EARS2: variants seen among roughly 807,000 people sequenced by gnomAD.
EARS2 encodes nondiscriminating glutamyl-tRNA synthetase EARS2, mitochondrial.
A neutral mutation model predicts 54.1 loss-of-function variants in EARS2; 50 were observed. The observed-to-expected ratio is 0.92, with a 90% CI of 0.74 to 1.17. The LOEUF (loss-of-function observed/expected upper bound fraction) is 1.17. Ranked by LOEUF, EARS2 falls within the 50% of genes most tolerant of loss-of-function variation. The pLI is 0.00. For synonymous variants in EARS2, 298 were observed against 281.0 expected (o/e 1.06, Z -0.61); for missense variants, 673 against 675.0 (o/e 1.00, Z 0.03).
At chr16:23,544,384 A>T in intron 3 of EARS2, 130 bp downstream of exon 3, 1 of 901,854 alleles carries the variant, frequency 1.1e-6, no homozygotes, top group Non-Finnish European at 1.6e-6. Flanking sequence ...GAAACAGGTG[A>T]GGCCACGCTC....
intron 2 of EARS2, among the ~76,000 whole-genome samples, chr16:23,547,011 G>T (rs1965614045): frequency 1.3e-5 from 2 of 152,118 alleles, no homozygotes; most frequent in Admixed American, 6.6e-5. Context: ...AATGCCCCAG[G>T]GTTTAAGAGG....
At position 23,552,203 on chromosome 16, in the gene EARS2, T is replaced by G; in HGVS notation, c.241A>C (p.Thr81Pro). The G allele has an allele frequency of 6.2e-7, 1 of 1,614,026 alleles. No individual in the cohort carries two copies. Among genetic ancestry groups the G allele is most frequent in the Non-Finnish European group, 8.5e-7 (1 of 1,180,016 alleles). The change falls in exon 2 of 9, where the codon ACT (threonine) becomes CCT (proline). Residue 81 changes from threonine to proline, a missense_variant. This residue lies in a region of EARS2 where 316 missense variants were observed against 275.2 expected (regional missense o/e 1.15). Coordinates refer to ENST00000449606, the MANE Select transcript of EARS2 (RefSeq NM_001083614.2). The part of the protein sequence containing the change: ...FILRLEDTDQ[T>P]RVVPGAAENI... ...TCCGCTGCCCCAGGCACAACGCGAGTCTGATCTGTGTCCTCTAGCCTCAGG... is the reference window on the plus strand; with the variant it reads ...TCCGCTGCCCCAGGCACAACGCGAGGCTGATCTGTGTCCTCTAGCCTCAGG...
chr16:23,529,628 T>C lies in EARS2; in HGVS notation c.1226A>G (p.His409Arg), dbSNP rs1313083218. ...VERILLLRQG[H>R]ICRLQDLVSP... is the part of the protein sequence containing the mutation. ...CACCAAGTCCTGCAGGCGGCAAATG[T>C]GACCCTGGGGAAGGAGGCAGTCATT... The change falls in exon 7 of 9, where the codon CAC becomes CGC. Residue 409 changes from histidine to arginine, a missense_variant. His to Arg is a conservative substitution (Grantham distance 29). Coordinates refer to ENST00000449606, the MANE Select transcript of EARS2 (RefSeq NM_001083614.2). The C allele has an allele frequency of 6.2e-7, 1 of 1,613,884 alleles. No homozygotes were observed. Among genetic ancestry groups the C allele is most frequent in the Non-Finnish European group, 8.5e-7 (1 of 1,179,940 alleles).
At chr16:23,538,493 C>T (rs1666723903) in intron 3 of EARS2, among the ~76,000 whole-genome samples, 1 of 152,022 alleles carries the variant, frequency 6.6e-6, no homozygotes, top group Non-Finnish European at 1.5e-5. Context: ...AAATGTTGTT[C>T]TCCAAGCTGT....
chr16:23,535,499 G>T, intron 3 of EARS2, 139 bp from the exon 4 acceptor site: 1 of 718,024 alleles, frequency 1.4e-6, no homozygotes, highest in Non-Finnish European at 2.3e-6. Flanking sequence ...CAGGGATGAT[G>T]GTACAGTTGT....
Position 23,557,320 on chromosome 16 carries a change from C to T in EARS2, c.24G>A (p.Leu8=), listed in dbSNP as rs1197459907. 6.5e-7 allele frequency: 1 copy of T among 1,537,768 alleles called. No individual in the cohort carries two copies. The highest frequency in any genetic ancestry group is 8.7e-7 in the Non-Finnish European group (1 of 1,149,894). ...CCGCCGAAGGCCTCTCGCGCTGCAG[C>T]AGTCTCCTCAGGAGCGCCGCCATGT... MAALLRR[L]LQRERPSAAS... is the part of the protein sequence containing the mutation. The change falls in exon 1 of 9, where the codon CTG becomes CTA. Residue 8 remains leucine (L), a synonymous_variant. Coordinates refer to ENST00000449606, the MANE Select transcript of EARS2 (RefSeq NM_001083614.2).
intron 2 of EARS2, among the ~76,000 whole-genome samples, chr16:23,545,749 G>A (rs557285686): frequency 6.6e-6 from 1 of 152,162 alleles, no homozygotes; most frequent in East Asian, 1.9e-4. Context: ...CTGCAGCCTC[G>A]AACTTCCGGG....
intron 7 of EARS2, 54 bp from the exon 8 acceptor site, chr16:23,525,433 G>A: frequency 6.4e-7 from 1 of 1,562,800 alleles, no homozygotes; most frequent in Non-Finnish European, 8.7e-7. Context: ...GCAAGTGGGT[G>A]GGAGGAAGGG....
Position 23,521,722 on chromosome 16 carries a change from G to A in EARS2, c.*2649C>T, listed in dbSNP as rs1403933838. ...TTTCATTTAGCATGAAGTCCTAGAG[G>A]TTCATCCATGTTGTAGATATACCAG... On this transcript the variant is annotated 3_prime_UTR_variant, in exon 9 of 9. Transcript: ENST00000449606. The A allele has an allele frequency of 2.2e-6, 1 of 453,258 alleles. No homozygotes were observed. The highest frequency in any genetic ancestry group is 4.4e-6 in the Non-Finnish European group (1 of 226,094). 28.1% of individuals were successfully genotyped at this position (453,258 alleles called of 1,614,324 possible). A position where few individuals can be genotyped will look rare whatever the true frequency, so the allele number is the denominator to read the frequency against.
chr16:23,530,786 G>A (rs1386124877), intron 5 of EARS2, among the ~76,000 whole-genome samples: 1 of 152,150 alleles, frequency 6.6e-6, no homozygotes, highest in East Asian at 1.9e-4. Context: ...TGAGGGGGAA[G>A]GATCACTTCA....
chr16:23,523,393 C>T lies in EARS2; in HGVS notation c.*978G>A, dbSNP rs1965171987. On this transcript the variant is annotated 3_prime_UTR_variant, in exon 9 of 9. Transcript: ENST00000449606. ...ACAAAATAGGAAGGGTGAAGGTCTCCAGTCCAAGGACCAGGTCTGGAAGAC... is the reference window on the plus strand; with the variant it reads ...ACAAAATAGGAAGGGTGAAGGTCTCTAGTCCAAGGACCAGGTCTGGAAGAC... The T allele has an allele frequency of 6.6e-6, 1 of 152,226 alleles. No homozygotes were observed. The highest frequency in any genetic ancestry group is 1.5e-5 in the Non-Finnish European group (1 of 68,062). 9.4% of individuals were successfully genotyped at this position (152,226 alleles called of 1,614,324 possible). A position where few individuals can be genotyped will look rare whatever the true frequency, so the allele number is the denominator to read the frequency against.
chr16:23,554,257 C>A (rs1057247204), intron 1 of EARS2, among the ~76,000 whole-genome samples: 1 of 152,070 alleles, frequency 6.6e-6, no homozygotes, highest in Non-Finnish European at 1.5e-5. Flanking sequence ...TGGGCTCAAG[C>A]AATCCTTACA....
intron 1 of EARS2, 36 bp downstream of exon 1, chr16:23,557,169 G>T (rs1347714604): frequency 5.3e-6 from 8 of 1,503,984 alleles, no homozygotes; most frequent in Non-Finnish European, 7.0e-6. Context: ...CGGGACAGGG[G>T]GCCTCGGCCT....
At chr16:23,529,121 T>G (rs939948972) in intron 7 of EARS2, among the ~76,000 whole-genome samples, 2 of 152,216 alleles carry the variant, frequency 1.3e-5, no homozygotes. Context: ...TTTGGTTGCG[T>G]TTGTAATTGA....
chr16:23,534,725 G>C (rs1003954803), intron 4 of EARS2, among the ~76,000 whole-genome samples, 163 bp downstream of exon 4: 2 of 152,186 alleles, frequency 1.3e-5, no homozygotes, highest in Non-Finnish European at 2.9e-5. Context: ...TTAATGTGGT[G>C]TCTGGCAAAA....
chr16:23,551,868 C>T (rs113081837), intron 2 of EARS2, among the ~76,000 whole-genome samples: 2 of 152,064 alleles, frequency 1.3e-5, no homozygotes, highest in South Asian at 2.1e-4. Flanking sequence ...TGCAGTGAGC[C>T]GAGATCGCAC....
At position 23,525,347 on chromosome 16, in the gene EARS2, T is replaced by C. The variant is rs894141684; in HGVS notation, c.1385A>G (p.Gln462Arg). The C allele has an allele frequency of 1.2e-6, 2 of 1,614,022 alleles. No homozygotes were observed. The highest frequency in any genetic ancestry group is 1.7e-6 in the Non-Finnish European group (2 of 1,179,984). The change falls in exon 8 of 9, where the codon CAG becomes CGG. Residue 462 changes from glutamine (Q) to arginine (R), a missense_variant. Physicochemically the swap from Gln to Arg is conservative, Grantham distance 43. Transcript: ENST00000449606. Reference sequence around the variant, plus strand: ...CTTCAGTTCTCCATTCAGCATATCCTGAGTTAAGCTCATACTAGATCTTTC... The same window carrying C: ...CTTCAGTTCTCCATTCAGCATATCCCGAGTTAAGCTCATACTAGATCTTTC... ...LLERSSMSLTQDMLNGELKKL... is the reference protein window; with the variant it reads ...LLERSSMSLTRDMLNGELKKL...
rs74552958 is a variant in EARS2 at position 23,546,354 on chromosome 16, A to G, written c.296-1651T>C. ...CTACCCTCAATGCTAACACAAACTG[A>G]GCTGAGTGGGCCTGGGTTCAAACGT... On this transcript the variant is annotated intron_variant, in intron 2 of 8. Coordinates refer to ENST00000449606, the MANE Select transcript of EARS2 (RefSeq NM_001083614.2). 3.5e-3 allele frequency: 1,604 copies of G among 455,714 alleles called. 3 individuals carry two copies. The highest frequency in any genetic ancestry group is 5.9e-3 in the Non-Finnish European group (1,342 of 226,716). The allele number at this position is 455,714 out of a possible 1,614,324, so 28.2% of individuals were successfully genotyped here.
chr16:23,524,646 CTT>C (rs1172358291), intron 8 of EARS2, among the ~76,000 whole-genome samples, 192 bp from the exon 9 acceptor site: 19 of 132,648 alleles, frequency 1.4e-4, no homozygotes, highest in Non-Finnish European at 1.9e-4. Context: ...AACCACCGCC[CTT>C]TTTTTTTTTT....
Sources: allele counts gnomAD v4.1 joint callset (sites outside exome capture counted in the v4.1 genomes callset), GRCh38; gene constraint gnomAD v4.1.1; regional missense constraint gnomAD v4.1.1; transcripts MANE v1.5; gene names NCBI Gene and HGNC (gene_info 2026-07-23, HGNC 2026-07-21).